Variants in DHH observed in about 807,000 individuals in gnomAD.
DHH encodes the protein desert hedgehog protein.
Under a neutral mutation model 27.6 loss-of-function variants are expected in DHH, and 16 were observed. The ratio of observed to expected loss-of-function variants is 0.58; its 90% CI spans 0.39 to 0.88. The LOEUF is 0.88. DHH is among the 40% of genes least tolerant of loss of function. The probability of loss-of-function intolerance (pLI) is 0.00; values close to 1 mark genes in which losing one functional copy is unlikely to be tolerated. For synonymous variants in DHH, 289 were observed against 263.4 expected, an observed-to-expected ratio of 1.10 and a Z score of -0.94; for missense variants, 436 against 563.1, an observed-to-expected ratio of 0.77 and a Z score of 2.28.
At position 49,089,888 on chromosome 12, in the gene DHH, A is replaced by G; in HGVS notation, c.1162T>C (p.Tyr388His). 6.3e-7 allele frequency: 1 copy of G among 1,586,122 alleles called. No individual in the cohort carries two copies. Among genetic ancestry groups the G allele is most frequent in the Non-Finnish European group, 8.6e-7 (1 of 1,165,920 alleles). The change falls in exon 3 of 3, where the codon TAC becomes CAC. Residue 388 changes from tyrosine (Y) to histidine (H), a missense_variant. Tyr to His is a moderately conservative substitution (Grantham distance 83). Coordinates refer to ENST00000649637, the MANE Select transcript of DHH (RefSeq NM_021044.4). The stretch of plus-strand genomic sequence containing the variant: ...CCCAGTAGCTCCTCCGCTAAGCGGT[A>G]GAGGAGCCGAGAGTACCAATGCATG... ...TGMHWYSRLL[Y>H]RLAEELLG
In DHH at chr12:49,094,771, C is replaced by T; in HGVS notation, c.-259G>A. The T allele has an allele frequency of 3.4e-6, 2 of 584,142 alleles. No homozygotes were observed. The highest frequency in any genetic ancestry group is 6.1e-6 in the Non-Finnish European group (2 of 326,636). The allele number at this position is 584,142 out of a possible 1,614,324, so 36.2% of individuals were successfully genotyped here. ...GTCGTGGGTGAGTGCCAGCCCAGCC[C>T]GTCTCTGCTGCAGGACTCTGGTGCT... On this transcript the variant is annotated 5_prime_UTR_variant, in exon 1 of 3. Coordinates refer to ENST00000649637, the MANE Select transcript of DHH (RefSeq NM_021044.4).
In DHH at chr12:49,086,887, G is replaced by A. The variant is rs1039366669; in HGVS notation, c.*2972C>T. On this transcript the variant is annotated 3_prime_UTR_variant, in exon 3 of 3. Coordinates refer to ENST00000649637, the MANE Select transcript of DHH (RefSeq NM_021044.4). ...TGACAAAACCCCAGAAAGTTTGCAC[G>A]ACTGATGCTTTTAGTGGAGTGGTGA... Among the ~76,000 whole-genome samples, 1 of 152,180 alleles carries A rather than the reference G, an allele frequency of 6.6e-6. No individual in the cohort carries two copies. Among genetic ancestry groups the A allele is most frequent in the Admixed American group, 6.6e-5 (1 of 15,264 alleles).
At position 49,091,099 on chromosome 12, in the gene DHH, C is replaced by T. The variant is rs78617192; in HGVS notation, c.565+29G>A. 1.7e-3 allele frequency: 2,770 copies of T among 1,614,086 alleles called. 41 individuals carry two copies. The African/African-American group carries it at 0.032, about 18-fold the overall frequency. ...TTTCCCGGAGGGAGCCCCCTTTGGG[C>T]GGATTTTACCACCCTCCTCCTACTG... On this transcript the variant is annotated intron_variant, in intron 2 of 2. Transcript: ENST00000649637. The surrounding 1 kb of genome is among the most constrained non-coding windows in gnomAD (Gnocchi z 4.8).
chr12:49,094,194 G>C lies in DHH; in HGVS notation c.303+16C>G, dbSNP rs549210452. 3.0e-4 allele frequency: 478 copies of C among 1,613,258 alleles called. 10 individuals are homozygous for C. The South Asian group carries it at 5.2e-3, about 17-fold the overall frequency. On this transcript the variant is annotated intron_variant, in intron 1 of 2. Coordinates refer to ENST00000649637, the MANE Select transcript of DHH (RefSeq NM_021044.4). ...CTGGCAGTGCCCCGGCGCAGGTAGGGAGAGGCCCTCCTTACCTCGGTCATC... is the reference window on the plus strand; with the variant it reads ...CTGGCAGTGCCCCGGCGCAGGTAGGCAGAGGCCCTCCTTACCTCGGTCATC...
Position 49,089,792 on chromosome 12 carries a change from A to T in DHH, c.*67T>A. 6.9e-7 allele frequency: 1 copy of T among 1,439,476 alleles called. No individual in the cohort carries two copies. The highest frequency in any genetic ancestry group is 9.2e-7 in the Non-Finnish European group (1 of 1,091,110). The allele number at this position is 1,439,476 out of a possible 1,614,324, so 89.2% of individuals were successfully genotyped here. A position where few individuals can be genotyped will look rare whatever the true frequency, so the allele number is the denominator to read the frequency against. ...CCAGTCGGCATCGTCTGCTGCCCACAGCCCCATATCTCAGCCAGCAGGCCC... is the reference window on the plus strand; with the variant it reads ...CCAGTCGGCATCGTCTGCTGCCCACTGCCCCATATCTCAGCCAGCAGGCCC... On this transcript the variant is annotated 3_prime_UTR_variant, in exon 3 of 3. Coordinates refer to ENST00000649637, the MANE Select transcript of DHH (RefSeq NM_021044.4).
chr12:49,089,790 A>C lies in DHH; in HGVS notation c.*69T>G. On this transcript the variant is annotated 3_prime_UTR_variant, in exon 3 of 3. Coordinates refer to ENST00000649637, the MANE Select transcript of DHH (RefSeq NM_021044.4). ...TTCCAGTCGGCATCGTCTGCTGCCC[A>C]CAGCCCCATATCTCAGCCAGCAGGC... is the stretch of plus-strand genomic sequence containing the variant. The C allele has an allele frequency of 2.1e-6, 3 of 1,430,246 alleles. No individual in the cohort carries two copies. Among genetic ancestry groups the C allele is most frequent in the African/African-American group, 1.5e-5 (1 of 68,106 alleles). The allele number at this position is 1,430,246 out of a possible 1,614,324, so 88.6% of individuals were successfully genotyped here. A position where few individuals can be genotyped will look rare whatever the true frequency, so the allele number is the denominator to read the frequency against.
In DHH at chr12:49,091,294, G is replaced by A; in HGVS notation, c.399C>T (p.Gly133=). The A allele has an allele frequency of 6.2e-7, 1 of 1,614,222 alleles. No homozygotes were observed. The highest frequency in any genetic ancestry group is 8.5e-7 in the Non-Finnish European group (1 of 1,180,042). ...AGTGGAGTGAATCCTGAGCGTGGTG[G>A]CCGTCCTCGTCCCAGCCCTCAGTCA... ...LRVTEGWDED[G]HHAQDSLHYE... is the part of the protein sequence containing the mutation. Residue 133 remains glycine (G), a synonymous_variant, in exon 2 of 3, where the codon GGC becomes GGT. Coordinates refer to ENST00000649637, the MANE Select transcript of DHH (RefSeq NM_021044.4). The surrounding 1 kb of genome is among the most constrained non-coding windows in gnomAD (Gnocchi z 4.8).
chr12:49,091,411 A>G lies in DHH; in HGVS notation c.304-22T>C, dbSNP rs746739673. 6.2e-7 allele frequency: 1 copy of G among 1,613,240 alleles called. No individual in the cohort carries two copies. Among genetic ancestry groups the G allele is most frequent in the Non-Finnish European group, 8.5e-7 (1 of 1,179,896 alleles). On this transcript the variant is annotated intron_variant, in intron 1 of 2. Transcript: ENST00000649637. This position sits in a 1 kb window ranked among gnomAD's most constrained non-coding sequence, Gnocchi z 4.8. ...AACGCTGGCGGGGAATAAAGGAGTC[A>G]GTCTCCCCACCACCACCCTTGGGGC...
Position 49,091,039 on chromosome 12 carries a change from C to A in DHH, c.565+89G>T. The A allele has an allele frequency of 2.5e-6, 4 of 1,603,336 alleles. No individual in the cohort carries two copies. Among genetic ancestry groups the A allele is most frequent in the Non-Finnish European group, 3.4e-6 (4 of 1,170,990 alleles). On this transcript the variant is annotated intron_variant, in intron 2 of 2. Coordinates refer to ENST00000649637, the MANE Select transcript of DHH (RefSeq NM_021044.4). The surrounding 1 kb of genome is among the most constrained non-coding windows in gnomAD (Gnocchi z 4.8). ...TTCAACACTAAAGCCCGCTTGGTCT[C>A]CCCTAGGGTGGCAACAGTACTACTG...
In DHH at chr12:49,089,763, C is replaced by A; in HGVS notation, c.*96G>T. ...TTCTCCCTCCCCCTCCCTCTCCCTCCCTTCCAGTCGGCATCGTCTGCTGCC... is the reference window on the plus strand; with the variant it reads ...TTCTCCCTCCCCCTCCCTCTCCCTCACTTCCAGTCGGCATCGTCTGCTGCC... On this transcript the variant is annotated 3_prime_UTR_variant, in exon 3 of 3. Coordinates refer to ENST00000649637, the MANE Select transcript of DHH (RefSeq NM_021044.4). 7.1e-7 allele frequency: 1 copy of A among 1,408,328 alleles called. No individual in the cohort carries two copies. The highest frequency in any genetic ancestry group is 9.3e-7 in the Non-Finnish European group (1 of 1,075,954). 87.2% of individuals were successfully genotyped at this position (1,408,328 alleles called of 1,614,324 possible). A position where few individuals can be genotyped will look rare whatever the true frequency, so the allele number is the denominator to read the frequency against.
Position 49,089,714 on chromosome 12 carries a change from C to T in DHH, c.*145G>A, listed in dbSNP as rs1939260081. 1 of 1,167,026 alleles carries T rather than the reference C, an allele frequency of 8.6e-7. No individual in the cohort carries two copies. 72.3% of individuals were successfully genotyped at this position (1,167,026 alleles called of 1,614,324 possible). ...TCACCTCCTCTCAGTACGAGGTTGC[C>T]CCTAAGCCAGGCATAGCCCCATTTT... On this transcript the variant is annotated 3_prime_UTR_variant, in exon 3 of 3. Transcript: ENST00000649637.
In DHH at chr12:49,090,173, G is replaced by A. The variant is rs1381598726; in HGVS notation, c.877C>T (p.Arg293Trp). 1 of 1,545,230 alleles carries A rather than the reference G, an allele frequency of 6.5e-7. No individual in the cohort carries two copies. Among genetic ancestry groups the A allele is most frequent in the African/African-American group, 1.4e-5 (1 of 72,726 alleles). ...PGDFAPVFAR[R>W]LRAGDSVLAP... ...AGCACCGAGTCCCCAGCGCGTAGCC[G>A]GCGCGCGAACACCGGTGCAAAGTCG... is the stretch of plus-strand genomic sequence containing the variant. Residue 293 changes from arginine (R) to tryptophan (W), a missense_variant, in exon 3 of 3, where the codon CGG (arginine) becomes TGG (tryptophan). Transcript: ENST00000649637. The surrounding 1 kb of genome is among the most constrained non-coding windows in gnomAD (Gnocchi z 5.2).
At position 49,090,621 on chromosome 12, in the gene DHH, G is replaced by C; in HGVS notation, c.566-137C>G. ...GACTGGCCCCAACCTGGGCAGAAAA[G>C]GAAGGGCGGTTTTTCTTTCTTTTCT... On this transcript the variant is annotated intron_variant, in intron 2 of 2. Coordinates refer to ENST00000649637, the MANE Select transcript of DHH (RefSeq NM_021044.4). This position sits in a 1 kb window ranked among gnomAD's most constrained non-coding sequence, Gnocchi z 5.2. The C allele has an allele frequency of 8.4e-7, 1 of 1,186,108 alleles. No homozygotes were observed. The highest frequency in any genetic ancestry group is 1.2e-6 in the Non-Finnish European group (1 of 851,358). 73.5% of individuals were successfully genotyped at this position (1,186,108 alleles called of 1,614,324 possible). A position where few individuals can be genotyped will look rare whatever the true frequency, so the allele number is the denominator to read the frequency against.
rs368341832 is a variant in DHH at position 49,088,116 on chromosome 12, A to C, written c.*1743T>G. 1.3e-4 allele frequency among the ~76,000 whole-genome samples: 20 copies of C among 152,192 alleles called. No homozygotes were observed. In the East Asian group the frequency reaches 1.3e-3, roughly 10 times the overall value. ...GGACATGAGGCGGCAACTTTGATACATAAGGAAGTCTGGGCTACTACAGGT... is the reference window on the plus strand; with the variant it reads ...GGACATGAGGCGGCAACTTTGATACCTAAGGAAGTCTGGGCTACTACAGGT... On this transcript the variant is annotated 3_prime_UTR_variant, in exon 3 of 3. Transcript: ENST00000649637.
rs539604995 is a variant in DHH, at chr12:49,092,793, C to T, written c.304-1404G>A. 161 of 152,428 alleles carry T rather than the reference C, an allele frequency of 1.1e-3. 1 individual carries two copies. Among genetic ancestry groups the T allele is most frequent in the African/African-American group, 3.8e-3 (156 of 41,574 alleles). 9.4% of individuals were successfully genotyped at this position (152,428 alleles called of 1,614,324 possible). A position where few individuals can be genotyped will look rare whatever the true frequency, so the allele number is the denominator to read the frequency against. On this transcript the variant is annotated intron_variant, in intron 1 of 2. Transcript: ENST00000649637. ...GGCTCCCAGGCCTGCCGGAGCCCCT[C>T]CTGAGCCTGTCCCTTGTTCTGCCCA... is the stretch of plus-strand genomic sequence containing the variant.
rs751810231 is a variant in DHH at position 49,091,034 on chromosome 12, G to A, written c.565+94C>T. On this transcript the variant is annotated intron_variant, in intron 2 of 2. Transcript: ENST00000649637. This position sits in a 1 kb window ranked among gnomAD's most constrained non-coding sequence, Gnocchi z 4.8. ...TGGTTTTCAACACTAAAGCCCGCTT[G>A]GTCTCCCCTAGGGTGGCAACAGTAC... The A allele has an allele frequency of 9.2e-5, 147 of 1,590,964 alleles. No individual in the cohort carries two copies. Among genetic ancestry groups the A allele is most frequent in the Non-Finnish European group, 1.2e-4 (143 of 1,160,120 alleles).
rs1939300381 is a variant in DHH, at chr12:49,091,359, T to C, written c.334A>G (p.Ile112Val). 3 of 1,614,170 alleles carry C rather than the reference T, an allele frequency of 1.9e-6. No individual in the cohort carries two copies. Among genetic ancestry groups the C allele is most frequent in the Non-Finnish European group, 2.5e-6 (3 of 1,180,030 alleles). ...CCGGGCCACATGTTCATCACGGCAA[T>C]GGCCAAAGCGTTCACCCGCTCCTTA... ...RCKERVNALA[I>V]AVMNMWPGVR... The change falls in exon 2 of 3, where the codon ATT (isoleucine) becomes GTT (valine). Residue 112 changes from isoleucine to valine, a missense_variant. Ile to Val is a conservative substitution (Grantham distance 29, BLOSUM62 3). Transcript: ENST00000649637. This position sits in a 1 kb window ranked among gnomAD's most constrained non-coding sequence, Gnocchi z 4.8.
At position 49,086,822 on chromosome 12, in the gene DHH, A is replaced by G. The variant is rs541056048; in HGVS notation, c.*3037T>C. ...TATGTAAGGAAGTCTGGACTACTAC[A>G]GAAATGCTGCTAGTATACCTCCAGC... is the stretch of plus-strand genomic sequence containing the variant. On this transcript the variant is annotated 3_prime_UTR_variant, in exon 3 of 3. Transcript: ENST00000649637. Among the ~76,000 whole-genome samples, 1 of 152,372 alleles carries G rather than the reference A, an allele frequency of 6.6e-6. No homozygotes were observed. The highest frequency in any genetic ancestry group is 2.1e-4 in the South Asian group (1 of 4,832).
rs571121396 is a variant in DHH, at chr12:49,089,279, G to A, written c.*580C>T. The A allele has an allele frequency of 1.3e-5, 2 of 152,808 alleles. No homozygotes were observed. The highest frequency in any genetic ancestry group is 4.8e-5 in the African/African-American group (2 of 41,596). 9.5% of individuals were successfully genotyped at this position (152,808 alleles called of 1,614,324 possible). ...CTCTTGTGGGCTCTGTTGCTTATGG[G>A]TTGGGATGCCCCTTCTGAAGGGAGG... On this transcript the variant is annotated 3_prime_UTR_variant, in exon 3 of 3. Coordinates refer to ENST00000649637, the MANE Select transcript of DHH (RefSeq NM_021044.4).
Sources: gnomAD v4.1 joint callset for allele counts (sites outside exome capture counted in the v4.1 genomes callset) on GRCh38, gnomAD v4.1.1 for gene constraint, Gnocchi (gnomAD v3.1) non-coding constraint, MANE v1.5 for transcripts, NCBI Gene and HGNC (gene_info 2026-07-23, HGNC 2026-07-21) for gene names.